Variants in MITF observed in about 807,000 individuals in gnomAD.
The protein encoded by MITF is microphthalmia-associated transcription factor.
A neutral mutation model predicts 60.5 loss-of-function variants in MITF; 17 were observed. The observed-to-expected ratio is 0.28, with a 90% CI of 0.19 to 0.42. The LOEUF (loss-of-function observed/expected upper bound fraction) is 0.42. Among genes scored for constraint, MITF ranks in the 10% least tolerant of loss-of-function variants. The pLI, the probability that MITF is intolerant of heterozygous loss-of-function variation, is 1.00. For missense variants in MITF, 622 were observed against 683.5 expected, an observed-to-expected ratio of 0.91 and a Z score of 1.00; for synonymous variants, 260 against 248.5, an observed-to-expected ratio of 1.05 and a Z score of -0.43.
chr3:69,959,001 C>A (rs1289598385), intron 8 of MITF, among the ~76,000 whole-genome samples: 2 of 12,990 alleles, frequency 1.5e-4, no homozygotes, highest in Non-Finnish European at 2.9e-4. Context: ...TGGGGACTTG[C>A]GGGGAAGGGA....
rs957935826 is a variant in MITF at position 69,763,437 on chromosome 3, C to T, written c.104+23736C>T. ...CTATTTTACCTTTTATGATTACCAT[C>T]TAGCACCTCCCTCCTTCCTGGCTGA... On this transcript the variant is annotated intron_variant, in intron 1 of 9. Coordinates refer to ENST00000352241, the MANE Select transcript of MITF (RefSeq NM_001354604.2). 3 of 828,898 alleles carry T rather than the reference C, an allele frequency of 3.6e-6. No homozygotes were observed. In the African/African-American group the frequency reaches 5.4e-5, roughly 15 times the overall value. 51.3% of individuals were successfully genotyped at this position (828,898 alleles called of 1,614,324 possible). A position where few individuals can be genotyped will look rare whatever the true frequency, so the allele number is the denominator to read the frequency against.
chr3:69,938,393 TG>T, intron 3 of MITF: 1 of 1,559,554 alleles, frequency 6.4e-7, no homozygotes, highest in Admixed American at 1.9e-5. Context: ...GAAGGGGAGG[TG>T]GAAAAGGAAA....
intron 1 of MITF, among the ~76,000 whole-genome samples, chr3:69,809,077 C>G (rs1219407968): frequency 1.3e-5 from 2 of 152,008 alleles, no homozygotes; most frequent in Non-Finnish European, 2.9e-5. Flanking sequence ...CAGGACTCTT[C>G]CAAACTTAAG....
intron 1 of MITF, chr3:69,769,548 C>T (rs1264313086): frequency 1.3e-5 from 2 of 152,060 alleles, no homozygotes; most frequent in Admixed American, 6.6e-5. Flanking sequence ...AGGTGCAATC[C>T]TAGTACTAAC....
intron 1 of MITF, among the ~76,000 whole-genome samples, chr3:69,816,291 G>A (rs149264814): frequency 1.2e-4 from 18 of 152,136 alleles, no homozygotes; most frequent in African/African-American, 3.4e-4. Context: ...AATGTAAACC[G>A]TTTCTTTCCA....
chr3:69,939,506 TG>T (rs2065922320), intron 4 of MITF, among the ~76,000 whole-genome samples: 1 of 152,136 alleles, frequency 6.6e-6, no homozygotes, highest in Non-Finnish European at 1.5e-5. Flanking sequence ...TAGCAATTTT[TG>T]TATTAGTAAA....
At chr3:69,942,309 G>A (rs868259985) in intron 5 of MITF, among the ~76,000 whole-genome samples, 6 of 151,954 alleles carry the variant, frequency 3.9e-5, no homozygotes, top group African/African-American at 1.2e-4. Context: ...TGGTTAAGAC[G>A]GCAAATTTTA....
At chr3:69,897,536 A>G (rs2064902979) in intron 2 of MITF, among the ~76,000 whole-genome samples, 1 of 152,204 alleles carries the variant, frequency 6.6e-6, no homozygotes, top group Admixed American at 6.5e-5. Flanking sequence ...GAATACAGTC[A>G]TGCTGATTTA....
intron 1 of MITF, among the ~76,000 whole-genome samples, chr3:69,809,984 T>C (rs896828445): frequency 7.9e-5 from 12 of 152,168 alleles, no homozygotes; most frequent in African/African-American, 2.7e-4. Context: ...TCATTAGCAG[T>C]CTCTTTTGCT....
intron 1 of MITF, among the ~76,000 whole-genome samples, chr3:69,788,262 T>C (rs1042659492): frequency 6.6e-6 from 1 of 150,528 alleles, no homozygotes; most frequent in African/African-American, 2.4e-5. Context: ...ATTAGGTATA[T>C]CTCCTGATGC....
At chr3:69,801,213 GC>G (rs2062914480) in intron 1 of MITF, among the ~76,000 whole-genome samples, 1 of 151,984 alleles carries the variant, frequency 6.6e-6, no homozygotes, top group African/African-American at 2.4e-5. Flanking sequence ...GTTTCGAGTG[GC>G]TAAAATATCA....
chr3:69,745,061 A>C (rs1703670869), intron 1 of MITF, among the ~76,000 whole-genome samples: 1 of 152,150 alleles, frequency 6.6e-6, no homozygotes, highest in Non-Finnish European at 1.5e-5. Context: ...AATAAATAAA[A>C]ACAATAATGA....
At chr3:69,913,508 A>G (rs1216870571) in intron 2 of MITF, among the ~76,000 whole-genome samples, 4 of 152,118 alleles carry the variant, frequency 2.6e-5, no homozygotes, top group Non-Finnish European at 5.9e-5. Context: ...CTCCAAAGAA[A>G]CCTGAGGTAA....
chr3:69,869,063 G>A (rs190739905), intron 1 of MITF, among the ~76,000 whole-genome samples: 79 of 152,170 alleles, frequency 5.2e-4, no homozygotes, highest in African/African-American at 1.5e-3. Flanking sequence ...AGAGTTCTCC[G>A]TCTCTGGATG....
rs540009223 is a variant in MITF at position 69,923,235 on chromosome 3, A to C, written c.355-14587A>C. Among the ~76,000 whole-genome samples, 439 of 152,318 alleles carry C rather than the reference A, an allele frequency of 2.9e-3. 1 individual carries two copies. Among genetic ancestry groups the C allele is most frequent in the Non-Finnish European group, 2.8e-3 (189 of 68,030 alleles). ...TAAGCCTCAATTTCCTCATGCTGAA[A>C]ATGGGGATAATAACATCTGCTACTT... is the stretch of plus-strand genomic sequence containing the variant. On this transcript the variant is annotated intron_variant, in intron 2 of 9. Transcript: ENST00000352241.
chr3:69,937,951 A>G lies in MITF; in HGVS notation c.484A>G (p.Asn162Asp). The G allele has an allele frequency of 6.2e-7, 1 of 1,614,118 alleles. No individual in the cohort carries two copies. Among genetic ancestry groups the G allele is most frequent in the Admixed American group, 1.7e-5 (1 of 60,020 alleles). The change falls in exon 3 of 10, where the codon AAC (asparagine) becomes GAC (aspartate). Residue 162 changes from asparagine (N) to aspartate (D), a missense_variant. Coordinates refer to ENST00000352241, the MANE Select transcript of MITF (RefSeq NM_001354604.2). ...ANQVLSLPCPNQPGDHVMPPV... is the reference protein window; with the variant it reads ...ANQVLSLPCPDQPGDHVMPPV... ...CCAAGTCCTGAGCTTGCCATGTCCA[A>G]ACCAGCCTGGCGATCATGTCATGCC...
intron 2 of MITF, among the ~76,000 whole-genome samples, chr3:69,908,159 G>A (rs972462196): frequency 6.6e-6 from 1 of 152,160 alleles, no homozygotes; most frequent in African/African-American, 2.4e-5. Flanking sequence ...TTCTCAAAGT[G>A]GTTGGGCCAC....
At chr3:69,849,811 T>G (rs552139540) in intron 1 of MITF, among the ~76,000 whole-genome samples, 1 of 152,202 alleles carries the variant, frequency 6.6e-6, no homozygotes, top group South Asian at 2.1e-4. Flanking sequence ...TACCTCACCA[T>G]TGAAGGTCCA....
At chr3:69,931,328 T>C (rs997485430) in intron 2 of MITF, among the ~76,000 whole-genome samples, 1 of 152,198 alleles carries the variant, frequency 6.6e-6, no homozygotes. Context: ...ATGTTCTTTT[T>C]ATTATCATGG....
Sources: allele counts gnomAD v4.1 joint callset (sites outside exome capture counted in the v4.1 genomes callset), GRCh38; gene constraint gnomAD v4.1.1; transcripts MANE v1.5; gene names NCBI Gene and HGNC (gene_info 2026-07-23, HGNC 2026-07-21).